RSF1: variants seen among roughly 807,000 people sequenced by gnomAD.
RSF1 encodes HBV pX-associated protein 8.
RSF1 carries 13 observed loss-of-function variants against 145.2 expected under a neutral mutation model. That is an observed-to-expected ratio of 0.09 (90% CI 0.06 to 0.14). The LOEUF (loss-of-function observed/expected upper bound fraction) is 0.14. Ranked by LOEUF, RSF1 falls within the 10% of genes least tolerant of loss-of-function variation. The pLI is 1.00. For missense variants in RSF1, 1,517 were observed against 1,718.2 expected (o/e 0.88, Z 2.07); for synonymous variants, 577 against 592.6 (o/e 0.97, Z 0.38).
intron 1 of RSF1, 61 bp downstream of exon 1, chr11:77,820,467 G>T (rs1338141279): frequency 2.1e-5 from 32 of 1,497,554 alleles, no homozygotes; most frequent in Admixed American, 4.3e-5. Flanking sequence ...CGCCTGTGAA[G>T]AGCGGAGAGT....
At chr11:77,772,301 T>C (rs1394939738) in intron 1 of RSF1, among the ~76,000 whole-genome samples, 2 of 151,854 alleles carry the variant, frequency 1.3e-5, no homozygotes, top group African/African-American at 2.4e-5. Context: ...TCCTGAGTAG[T>C]TGAGATTATA....
chr11:77,684,777 C>T (rs1014488918), intron 10 of RSF1, among the ~76,000 whole-genome samples: 1 of 152,108 alleles, frequency 6.6e-6, no homozygotes, highest in African/African-American at 2.4e-5. Flanking sequence ...CACCTGAGGT[C>T]AGGAGTTCGA....
chr11:77,713,601 T>C (rs993056034), intron 5 of RSF1, among the ~76,000 whole-genome samples: 4 of 152,244 alleles, frequency 2.6e-5, no homozygotes, highest in African/African-American at 9.6e-5. Flanking sequence ...TCTGTCCCCT[T>C]GCTTTTTCTT....
intron 6 of RSF1, among the ~76,000 whole-genome samples, chr11:77,700,458 A>T (rs534194126): frequency 6.6e-6 from 1 of 151,570 alleles, no homozygotes; most frequent in East Asian, 1.9e-4. Flanking sequence ...GGGAATTCTC[A>T]TTCTATAATT....
intron 10 of RSF1, among the ~76,000 whole-genome samples, chr11:77,684,900 T>C (rs1959962920): frequency 6.6e-6 from 1 of 152,030 alleles, no homozygotes; most frequent in Non-Finnish European, 1.5e-5. Context: ...GGCAGGAGAA[T>C]TGCTTGAACC....
In RSF1 at chr11:77,701,938, T is replaced by G. The variant is rs763539737; in HGVS notation, c.1291A>C (p.Ile431Leu). 7 of 1,613,662 alleles carry G rather than the reference T, an allele frequency of 4.3e-6. No individual in the cohort carries two copies. Among genetic ancestry groups the G allele is most frequent in the Non-Finnish European group, 5.9e-6 (7 of 1,179,872 alleles). The change falls in exon 6 of 16, where the codon ATC (isoleucine) becomes CTC (leucine). Residue 431 changes from isoleucine (I) to leucine (L), a missense_variant. Physicochemically the swap from Ile to Leu is conservative, Grantham distance 5 (BLOSUM62 2). Around this residue, in one of 12 missense-constraint regions of RSF1, gnomAD observed 579 missense variants for 553.5 expected, o/e 1.05. Transcript: ENST00000308488. ...TTCCCTTCATGACCCAAAGCAGTGA[T>G]TGTAGAGATCCTTTTACAAGTCTCT... ...EEETCKRIST[I>L]TALGHEGKQL...
At chr11:77,718,362 T>A (rs1960866389) in intron 5 of RSF1, 1 of 152,134 alleles carries the variant, frequency 6.6e-6, no homozygotes, top group Non-Finnish European at 1.5e-5. Flanking sequence ...CTCTTAAGAA[T>A]ATATAGCTGC....
chr11:77,789,652 G>C (rs1427027027), intron 1 of RSF1, among the ~76,000 whole-genome samples: 1 of 152,194 alleles, frequency 6.6e-6, no homozygotes, highest in Non-Finnish European at 1.5e-5. Context: ...CACAGTGGCA[G>C]GGCCCCAACA....
Position 77,667,286 on chromosome 11 carries a change from A to C in RSF1, c.3957T>G (p.Asn1319Lys), listed in dbSNP as rs528178887. 3.1e-6 allele frequency: 5 copies of C among 1,614,018 alleles called. No homozygotes were observed. In the East Asian group the frequency reaches 1.1e-4, roughly 36 times the overall value. The change falls in exon 16 of 16, where the codon AAT (asparagine) becomes AAG (lysine). Residue 1319 changes from asparagine to lysine, a missense_variant. Physicochemically the swap from Asn to Lys is moderately conservative, Grantham distance 94. This residue lies in a region of RSF1 where 240 missense variants were observed against 231.8 expected (regional missense o/e 1.04). Transcript: ENST00000308488. ...ESCDNAHGDA[N>K]QPARDSQPRV... Reference sequence around the variant, plus strand: ...TAGGCTGGCTGTCACGGGCAGGCTGATTTGCATCTCCATGAGCATTGTCAC... The same window carrying C: ...TAGGCTGGCTGTCACGGGCAGGCTGCTTTGCATCTCCATGAGCATTGTCAC...
chr11:77,710,026 T>C (rs1960641400), intron 5 of RSF1, among the ~76,000 whole-genome samples: 1 of 152,134 alleles, frequency 6.6e-6, no homozygotes, highest in Non-Finnish European at 1.5e-5. Context: ...ACAAAACAAA[T>C]GCATAGCTTA....
At position 77,672,218 on chromosome 11, in the gene RSF1, C is replaced by T. The variant is rs1176998131; in HGVS notation, c.3575G>A (p.Ser1192Asn). The T allele has an allele frequency of 2.5e-6, 4 of 1,593,938 alleles. No homozygotes were observed. The highest frequency in any genetic ancestry group is 1.4e-5 in the African/African-American group (1 of 73,592). The stretch of plus-strand genomic sequence containing the variant: ...TACAAAATCATCACTAAAATCATCA[C>T]TGAAGTCACTTTCTATTTTAAAAAA... ...ENSRDSESDF[S>N]DDFSDDFVET... The change falls in exon 15 of 16, where the codon AGT (serine) becomes AAT (asparagine). Residue 1192 changes from serine to asparagine, a missense_variant. By Grantham distance (46) the Ser-to-Asn change is conservative. Around this residue, in one of 12 missense-constraint regions of RSF1, gnomAD observed 231 missense variants for 276.6 expected, o/e 0.84. Transcript: ENST00000308488.
intron 1 of RSF1, among the ~76,000 whole-genome samples, chr11:77,776,783 A>G (rs1948346710): frequency 6.6e-6 from 1 of 152,214 alleles, no homozygotes; most frequent in Admixed American, 6.5e-5. Context: ...CAAATGGAAC[A>G]CCAGCAAACA....
chr11:77,691,359 A>T, intron 8 of RSF1, 121 bp from the exon 9 acceptor site: 1 of 728,274 alleles, frequency 1.4e-6, no homozygotes. Flanking sequence ...TAGTAAGTGA[A>T]CAATGAAGCT....
At chr11:77,793,228 C>A (rs892936822) in intron 1 of RSF1, among the ~76,000 whole-genome samples, 1 of 152,104 alleles carries the variant, frequency 6.6e-6, no homozygotes, top group East Asian at 1.9e-4. Flanking sequence ...GCCTGTAATC[C>A]CAGCACTTTA....
At chr11:77,764,012 G>C (rs1480050049) in intron 2 of RSF1, 1 of 152,308 alleles carries the variant, frequency 6.6e-6, no homozygotes, top group African/African-American at 2.4e-5. Flanking sequence ...GATAGTGACG[G>C]ATCATCAGTC....
chr11:77,869,147 TAG>T, the RSF1 span: 1 of 251,018 alleles, frequency 4.0e-6, no homozygotes, highest in East Asian at 9.6e-5. Context: ...CTAAAAGGCC[TAG>T]AGGACATATA....
chr11:77,742,180 C>G (rs942579581), intron 3 of RSF1, among the ~76,000 whole-genome samples: 1 of 152,188 alleles, frequency 6.6e-6, no homozygotes, highest in African/African-American at 2.4e-5. Context: ...GATGCTGAAT[C>G]ATATGGTAGT....
chr11:77,821,874 G>T (rs1001005006), upstream of RSF1, among the ~76,000 whole-genome samples: 1 of 152,098 alleles, frequency 6.6e-6, no homozygotes, highest in African/African-American at 2.4e-5. Context: ...TCCTAGCGGG[G>T]CTACTTCATG....
intron 4 of RSF1, among the ~76,000 whole-genome samples, chr11:77,727,643 A>C (rs1241825921): frequency 6.6e-6 from 1 of 151,702 alleles, no homozygotes; most frequent in African/African-American, 2.4e-5. Flanking sequence ...CGCCTGGCTA[A>C]TTTCTTTTGT....
Sources: allele counts gnomAD v4.1 joint callset (sites outside exome capture counted in the v4.1 genomes callset), GRCh38; gene constraint gnomAD v4.1.1; regional missense constraint gnomAD v4.1.1; transcripts MANE v1.5; gene names NCBI Gene and HGNC (gene_info 2026-07-23, HGNC 2026-07-21).